DNAH11: variants seen among roughly 807,000 people sequenced by gnomAD.
DNAH11 encodes the protein axonemal beta dynein heavy chain 11.
Under a neutral mutation model 526.0 loss-of-function variants are expected in DNAH11, and 442 were observed. That is an observed-to-expected ratio of 0.84 (90% confidence interval 0.78 to 0.91). The LOEUF (loss-of-function observed/expected upper bound fraction) is 0.91. Ranked by LOEUF, DNAH11 falls within the 40% of genes least tolerant of loss-of-function variation. DNAH11 has a pLI of 0.00. For missense variants in DNAH11, 6,989 were observed against 5,448.7 expected (o/e 1.28, Z -8.90); for synonymous variants, 2,461 against 1,935.9 (o/e 1.27, Z -7.12).
At chr7:21,695,664 C>G (rs1446791374) in intron 35 of DNAH11, among the ~76,000 whole-genome samples, 2 of 152,142 alleles carry the variant, frequency 1.3e-5, no homozygotes, top group Non-Finnish European at 1.5e-5. Context: ...GGCAATACCA[C>G]TCAGGACATA....
chr7:21,832,358 C>T (rs891902827), intron 65 of DNAH11, among the ~76,000 whole-genome samples: 1 of 152,126 alleles, frequency 6.6e-6, no homozygotes, highest in African/African-American at 2.4e-5. Context: ...CAGGAAAGGC[C>T]TGGTGGTGAC....
At chr7:21,788,691 T>G (rs1477679355) in intron 60 of DNAH11, among the ~76,000 whole-genome samples, 1 of 152,198 alleles carries the variant, frequency 6.6e-6, no homozygotes, top group African/African-American at 2.4e-5. Flanking sequence ...TGATGTTGTG[T>G]GGATATCTCC....
At chr7:21,648,950 A>T (rs751142222) in intron 28 of DNAH11, among the ~76,000 whole-genome samples, 24 of 152,188 alleles carry the variant, frequency 1.6e-4, no homozygotes, top group Non-Finnish European at 2.9e-4. Context: ...TGGTGAAAAC[A>T]TCATAAGTTA....
chr7:21,677,931 CGTTGA>C (rs1405009452), intron 30 of DNAH11, among the ~76,000 whole-genome samples: 1 of 152,018 alleles, frequency 6.6e-6, no homozygotes, highest in Non-Finnish European at 1.5e-5. Context: ...TATTTGTTGC[CGTTGA>C]GTTGTATGAG....
Position 21,749,748 on chromosome 7 carries a change from C to A in DNAH11, c.8744C>A (p.Ala2915Asp). The change falls in exon 53 of 82, where the codon GCC becomes GAC. Residue 2915 changes from alanine (A) to aspartate (D), a missense_variant. By Grantham distance (126) the Ala-to-Asp change is moderately radical (BLOSUM62 -2). Transcript: ENST00000409508. Reference sequence around the variant, plus strand: ...CCCACTGTGTTCCTGCTGACAGATGCCCAGGTTCTAGATGAGAGCTTCCTC... The same window carrying A: ...CCCACTGTGTTCCTGCTGACAGATGACCAGGTTCTAGATGAGAGCTTCCTC... ...NMPTVFLLTD[A>D]QVLDESFLVL... 6.2e-7 allele frequency: 1 copy of A among 1,613,944 alleles called. No homozygotes were observed. The highest frequency in any genetic ancestry group is 1.1e-5 in the South Asian group (1 of 91,072).
intron 25 of DNAH11, among the ~76,000 whole-genome samples, chr7:21,624,632 T>A (rs1486382472): frequency 1.3e-5 from 2 of 152,168 alleles, no homozygotes; most frequent in Non-Finnish European, 2.9e-5. Flanking sequence ...TTTTTCCTGA[T>A]TTTAGACAAA....
intron 62 of DNAH11, among the ~76,000 whole-genome samples, chr7:21,802,374 T>G (rs1007570883): frequency 6.6e-6 from 1 of 152,178 alleles, no homozygotes; most frequent in East Asian, 1.9e-4. Context: ...CTGGTTGGAA[T>G]GTAAAATTGT....
chr7:21,674,187 G>C (rs1490979071), intron 30 of DNAH11, among the ~76,000 whole-genome samples: 2 of 151,874 alleles, frequency 1.3e-5, no homozygotes, highest in Non-Finnish European at 2.9e-5. Context: ...AGCCTCCCAA[G>C]TACCTGGAGT....
chr7:21,819,766 G>A (rs1056969845), intron 65 of DNAH11, among the ~76,000 whole-genome samples: 9 of 152,180 alleles, frequency 5.9e-5, no homozygotes, highest in Admixed American at 2.0e-4. Flanking sequence ...TTAACTATCA[G>A]TGAGGATTCT....
At chr7:21,726,996 C>T (rs1354891124) in intron 45 of DNAH11, among the ~76,000 whole-genome samples, 12 of 104,064 alleles carry the variant, frequency 1.2e-4, no homozygotes, top group South Asian at 4.3e-4. Context: ...TGCAGTGGCG[C>T]GATCTCGGCT....
chr7:21,828,016 G>A (rs562513911), intron 65 of DNAH11, among the ~76,000 whole-genome samples: 107 of 151,092 alleles, frequency 7.1e-4, no homozygotes, highest in Non-Finnish European at 2.2e-4. Flanking sequence ...TGGTGTAATC[G>A]TGGCTCACTG....
chr7:21,711,622 T>C, intron 41 of DNAH11, 90 bp from the exon 42 acceptor site: 3 of 1,524,504 alleles, frequency 2.0e-6, no homozygotes, highest in Non-Finnish European at 2.6e-6. Context: ...ACACAGCCTG[T>C]GATACTTCTG....
chr7:21,672,307 A>G (rs932575610), intron 30 of DNAH11, among the ~76,000 whole-genome samples: 2 of 152,156 alleles, frequency 1.3e-5, no homozygotes, highest in Non-Finnish European at 2.9e-5. Flanking sequence ...TTTCTAAGAG[A>G]GTGTGTCTCG....
At chr7:21,765,920 G>T (rs1787167510) in intron 55 of DNAH11, among the ~76,000 whole-genome samples, 1 of 152,056 alleles carries the variant, frequency 6.6e-6, no homozygotes, top group African/African-American at 2.4e-5. Context: ...TCATAATGGG[G>T]CTTGCTGATT....
At chr7:21,550,591 T>C (rs1184100656) in intron 2 of DNAH11, among the ~76,000 whole-genome samples, 1 of 152,198 alleles carries the variant, frequency 6.6e-6, no homozygotes, top group Non-Finnish European at 1.5e-5. Flanking sequence ...GATATACTTT[T>C]GGAGAGTTTG....
chr7:21,901,385 C>CCTTAGA lies in DNAH11; in HGVS notation c.*132_*137dup, dbSNP rs1784835049. The CCTTAGA allele has an allele frequency of 4.7e-6, 6 of 1,277,380 alleles. No homozygotes were observed. The Admixed American group carries it at 1.7e-4, about 35-fold the overall frequency. The allele number at this position is 1,277,380 out of a possible 1,614,324, so 79.1% of individuals were successfully genotyped here. On this transcript the variant is annotated 3_prime_UTR_variant, in exon 82 of 82. Coordinates refer to ENST00000409508, the MANE Select transcript of DNAH11 (RefSeq NM_001277115.2). ...ACGTGCATTCTTTTTTCAACGCTAT[C>CCTTAGA]CTTAGAGTGAAAGTCAGAAAAAAAT...
chr7:21,588,410 T>C (rs1283257688), intron 10 of DNAH11, 102 bp from the exon 11 acceptor site: 32 of 1,449,658 alleles, frequency 2.2e-5, no homozygotes, highest in Non-Finnish European at 2.8e-5. Context: ...ATATGTTTTA[T>C]ACTACTGTAA....
intron 1 of DNAH11, 87 bp from the exon 2 acceptor site, chr7:21,544,919 C>G: frequency 8.5e-7 from 1 of 1,172,884 alleles, no homozygotes; most frequent in Non-Finnish European, 1.2e-6. Context: ...GTTTCTTCTG[C>G]TAGCAATACA....
At chr7:21,891,103 C>G (rs969177467) in intron 76 of DNAH11, among the ~76,000 whole-genome samples, 4 of 152,182 alleles carry the variant, frequency 2.6e-5, no homozygotes, top group African/African-American at 4.8e-5. Context: ...ACTTTGTCCT[C>G]TTTAGACTCT....
Sources: gnomAD v4.1 joint callset for allele counts (sites outside exome capture counted in the v4.1 genomes callset) on GRCh38, gnomAD v4.1.1 for gene constraint, MANE v1.5 for transcripts, NCBI Gene and HGNC (gene_info 2026-07-23, HGNC 2026-07-21) for gene names.